CDH13: variants seen among roughly 807,000 people sequenced by gnomAD.
CDH13 encodes the protein cadherin-13.
Under a neutral mutation model 63.8 loss-of-function variants are expected in CDH13, and 24 were observed. The ratio of observed to expected loss-of-function variants is 0.38; its 90% CI spans 0.27 to 0.53. The LOEUF (loss-of-function observed/expected upper bound fraction) is 0.53. Among genes scored for constraint, CDH13 ranks in the 20% least tolerant of loss-of-function variants. CDH13 has a pLI of 0.85. For missense variants in CDH13, 1,049 were observed against 903.1 expected, an observed-to-expected ratio of 1.16 and a Z score of -2.07; for synonymous variants, 503 against 355.3, an observed-to-expected ratio of 1.42 and a Z score of -4.67.
chr16:83,058,156 G>C (rs577660400), intron 3 of CDH13, among the ~76,000 whole-genome samples: 14 of 152,184 alleles, frequency 9.2e-5, no homozygotes, highest in African/African-American at 3.4e-4. Flanking sequence ...AACTTCATGA[G>C]TTACGTCTTT....
chr16:83,165,617 T>G (rs150151665), intron 4 of CDH13, among the ~76,000 whole-genome samples: 6 of 151,932 alleles, frequency 3.9e-5, no homozygotes, highest in African/African-American at 1.4e-4. Flanking sequence ...AGACCTGGAA[T>G]TGATGACCTC....
intron 5 of CDH13, among the ~76,000 whole-genome samples, chr16:83,231,945 T>C (rs2040007990): frequency 6.6e-6 from 1 of 152,140 alleles, no homozygotes; most frequent in African/African-American, 2.4e-5. Flanking sequence ...TCAGGATGTT[T>C]ATAAAAGAAT....
intron 5 of CDH13, among the ~76,000 whole-genome samples, chr16:83,251,746 G>A (rs1356239914): frequency 6.6e-6 from 1 of 152,138 alleles, no homozygotes; most frequent in Non-Finnish European, 1.5e-5. Context: ...TCCACCTTGG[G>A]AATCACAGTC....
At chr16:83,521,946 C>T (rs139519627) in intron 7 of CDH13, among the ~76,000 whole-genome samples, 4 of 151,856 alleles carry the variant, frequency 2.6e-5, no homozygotes, top group Non-Finnish European at 5.9e-5. Context: ...GCCCTTGAAA[C>T]ACGTTGTTAT....
At chr16:82,830,556 C>A (rs760243242) in intron 1 of CDH13, among the ~76,000 whole-genome samples, 1 of 152,110 alleles carries the variant, frequency 6.6e-6, no homozygotes, top group Non-Finnish European at 1.5e-5. Flanking sequence ...GGGGTGGGAG[C>A]GCTTAGAAGA....
chr16:83,714,267 A>G (rs1056352356), intron 10 of CDH13, among the ~76,000 whole-genome samples: 2 of 152,204 alleles, frequency 1.3e-5, no homozygotes, highest in Non-Finnish European at 2.9e-5. Flanking sequence ...TCTTGCCCCA[A>G]GTGCTATTAA....
At chr16:83,388,490 T>C in intron 6 of CDH13, among the ~76,000 whole-genome samples, 1 of 151,950 alleles carries the variant, frequency 6.6e-6, no homozygotes, top group East Asian at 1.9e-4. Flanking sequence ...TCAACGAGAT[T>C]TGATGATATT....
At chr16:83,108,755 C>G (rs28448587) in intron 3 of CDH13, among the ~76,000 whole-genome samples, 154 of 152,282 alleles carry the variant, frequency 1.0e-3, no homozygotes, top group African/African-American at 3.3e-3. Flanking sequence ...TAGAACACAT[C>G]AGGCCAGTCT....
chr16:83,034,260 C>A (rs1916646684), intron 3 of CDH13, among the ~76,000 whole-genome samples: 1 of 152,142 alleles, frequency 6.6e-6, no homozygotes, highest in Non-Finnish European at 1.5e-5. Context: ...ATCAATTGAT[C>A]ATTTAGTGGT....
chr16:83,176,911 A>T (rs1298704923), intron 4 of CDH13, among the ~76,000 whole-genome samples: 1 of 152,116 alleles, frequency 6.6e-6, no homozygotes, highest in Non-Finnish European at 1.5e-5. Flanking sequence ...AGTTAGCCTG[A>T]GGTCCCAAAC....
At chr16:82,756,635 G>A (rs2034620868) in intron 1 of CDH13, among the ~76,000 whole-genome samples, 1 of 152,118 alleles carries the variant, frequency 6.6e-6, no homozygotes, top group Admixed American at 6.5e-5. Flanking sequence ...GGGAGTAACA[G>A]GTCAGTGAGA....
intron 6 of CDH13, among the ~76,000 whole-genome samples, chr16:83,484,903 A>C (rs891623556): frequency 6.6e-6 from 1 of 152,202 alleles, no homozygotes. Context: ...CTGTTTGAGA[A>C]CGCTGATTCC....
At chr16:83,115,714 G>A (rs764306179) in intron 3 of CDH13, among the ~76,000 whole-genome samples, 2 of 152,194 alleles carry the variant, frequency 1.3e-5, no homozygotes, top group Non-Finnish European at 2.9e-5. Flanking sequence ...GCAATGCTTT[G>A]CCTTGCTAAA....
chr16:82,676,583 C>A lies in CDH13; in HGVS notation c.45+49446C>A, dbSNP rs191426282. Among the ~76,000 whole-genome samples the A allele has an allele frequency of 7.2e-3, 1,099 of 151,788 alleles. 36 individuals carry two copies. Among genetic ancestry groups the A allele is most frequent in the Admixed American group, 0.06 (906 of 15,226 alleles). The stretch of plus-strand genomic sequence containing the variant: ...ACCTTCTTCCAATCTTTCTCTTCTC[C>A]CCAACCAGAATGATTCTTTGAAAGC... On this transcript the variant is annotated intron_variant, in intron 1 of 13. Transcript: ENST00000567109.
intron 5 of CDH13, among the ~76,000 whole-genome samples, chr16:83,327,871 G>A (rs866194437): frequency 2.6e-5 from 4 of 152,218 alleles, no homozygotes; most frequent in African/African-American, 9.6e-5. Context: ...AGTGGCTTAC[G>A]CCTGTAATCC....
chr16:83,212,487 G>T (rs1252184549), intron 4 of CDH13, among the ~76,000 whole-genome samples: 1 of 152,196 alleles, frequency 6.6e-6, no homozygotes, highest in Non-Finnish European at 1.5e-5. Context: ...AACACACGTA[G>T]AGATGTTGCA....
At chr16:83,648,034 C>T (rs995888045) in intron 8 of CDH13, among the ~76,000 whole-genome samples, 13 of 152,166 alleles carry the variant, frequency 8.5e-5, no homozygotes, top group Admixed American at 2.0e-4. Context: ...AGTGACCACA[C>T]CTTTTTTTGG....
intron 6 of CDH13, among the ~76,000 whole-genome samples, chr16:83,467,277 CT>C (rs2073339635): frequency 6.6e-6 from 1 of 152,148 alleles, no homozygotes; most frequent in South Asian, 2.1e-4. Context: ...GAAGAAAAGA[CT>C]TGTCTTGTCC....
intron 1 of CDH13, among the ~76,000 whole-genome samples, chr16:82,849,679 T>C (rs1194261472): frequency 1.3e-5 from 2 of 152,214 alleles, no homozygotes; most frequent in East Asian, 1.9e-4. Flanking sequence ...TCTAGGACTT[T>C]CATAGCTAGA....
Sources: allele counts gnomAD v4.1 joint callset (sites outside exome capture counted in the v4.1 genomes callset), GRCh38; gene constraint gnomAD v4.1.1; transcripts MANE v1.5; gene names NCBI Gene and HGNC (gene_info 2026-07-23, HGNC 2026-07-21).